GNB4: variants seen among roughly 807,000 people sequenced by gnomAD.
The protein encoded by GNB4 is G protein subunit beta 4.
Under a neutral mutation model 45.2 loss-of-function variants are expected in GNB4, and 28 were observed. The observed-to-expected ratio is 0.62, with a 90% CI of 0.46 to 0.85. The LOEUF (loss-of-function observed/expected upper bound fraction) is 0.85. Among genes scored for constraint, GNB4 ranks in the 40% least tolerant of loss-of-function variants. The pLI, the probability that GNB4 is intolerant of heterozygous loss-of-function variation, is 0.00. For missense variants in GNB4, 321 were observed against 425.4 expected, an observed-to-expected ratio of 0.75 and a Z score of 2.16; for synonymous variants, 132 against 143.7, an observed-to-expected ratio of 0.92 and a Z score of 0.58.
At chr3:179,447,284 G>A (rs1430540025) in intron 1 of GNB4, among the ~76,000 whole-genome samples, 13 of 148,588 alleles carry the variant, frequency 8.7e-5, no homozygotes, top group African/African-American at 3.2e-4. Flanking sequence ...GCAGGGCAGA[G>A]AGCAGCAGAT....
At chr3:179,502,564 AC>A in the GNB4 span, among the ~76,000 whole-genome samples, 5 of 152,124 alleles carry the variant, frequency 3.3e-5, no homozygotes, top group East Asian at 9.7e-4. Flanking sequence ...TTTGGTTGCC[AC>A]CGTGAACAAC....
At chr3:179,520,992 G>A in the GNB4 span, among the ~76,000 whole-genome samples, 1 of 152,118 alleles carries the variant, frequency 6.6e-6, no homozygotes, top group Non-Finnish European at 1.5e-5. Context: ...TGTTCCATCT[G>A]CTATTCTACT....
At chr3:179,510,481 A>G in the GNB4 span, among the ~76,000 whole-genome samples, 1 of 152,228 alleles carries the variant, frequency 6.6e-6, no homozygotes, top group African/African-American at 2.4e-5. Context: ...AGTTAAAGCC[A>G]TGCCATAGAA....
chr3:179,464,408 C>T, the GNB4 span: 1 of 1,335,822 alleles, frequency 7.5e-7, no homozygotes, highest in South Asian at 1.2e-5. Flanking sequence ...TGCACAGCTG[C>T]TCCCTCTGCC....
At chr3:179,466,600 G>A in the GNB4 span, among the ~76,000 whole-genome samples, 1 of 152,166 alleles carries the variant, frequency 6.6e-6, no homozygotes, top group African/African-American at 2.4e-5. Flanking sequence ...ATGTCTATAA[G>A]TCATGCCTGC....
chr3:179,454,602 G>A (rs1262056560), upstream of GNB4, among the ~76,000 whole-genome samples: 1 of 152,104 alleles, frequency 6.6e-6, no homozygotes, highest in Non-Finnish European at 1.5e-5. Flanking sequence ...AGTGCCATAG[G>A]TTTGTATATC....
chr3:179,499,164 T>C, the GNB4 span, among the ~76,000 whole-genome samples: 1 of 147,612 alleles, frequency 6.8e-6, no homozygotes, highest in African/African-American at 2.5e-5. Flanking sequence ...TCTTTTTTTT[T>C]TTTTTTTTTT....
At chr3:179,523,817 T>C in the GNB4 span, among the ~76,000 whole-genome samples, 1 of 151,944 alleles carries the variant, frequency 6.6e-6, no homozygotes, top group East Asian at 1.9e-4. Context: ...AAGGAGGCTT[T>C]GAACTAGGGA....
At chr3:179,424,574 A>C (rs758247176) in intron 2 of GNB4, among the ~76,000 whole-genome samples, 3 of 152,046 alleles carry the variant, frequency 2.0e-5, no homozygotes, top group Non-Finnish European at 4.4e-5. Flanking sequence ...TGTTTTTACT[A>C]ATCTTTTCTT....
At chr3:179,402,193 T>A (rs1714324288) in intron 9 of GNB4, among the ~76,000 whole-genome samples, 1 of 152,198 alleles carries the variant, frequency 6.6e-6, no homozygotes, top group Admixed American at 6.5e-5. Context: ...TGTGGCTAAA[T>A]ACTTTAAGTC....
intron 1 of GNB4, among the ~76,000 whole-genome samples, chr3:179,442,804 A>T (rs1327822047): frequency 6.6e-6 from 1 of 152,042 alleles, no homozygotes; most frequent in African/African-American, 2.4e-5. Flanking sequence ...TTAAAAAAAA[A>T]AAATTTTAGA....
At chr3:179,469,904 C>T in the GNB4 span, among the ~76,000 whole-genome samples, 1 of 152,218 alleles carries the variant, frequency 6.6e-6, no homozygotes, top group Admixed American at 6.5e-5. Context: ...CTTCCTTATA[C>T]TGAGGCCAAG....
the GNB4 span, among the ~76,000 whole-genome samples, chr3:179,461,921 G>A: frequency 2.0e-5 from 3 of 152,218 alleles, no homozygotes; most frequent in Non-Finnish European, 2.9e-5. Flanking sequence ...TAATCCATCC[G>A]ATATATTATT....
intron 1 of GNB4, among the ~76,000 whole-genome samples, chr3:179,433,704 C>CAA (rs796319109): frequency 7.5e-6 from 1 of 133,848 alleles, no homozygotes; most frequent in South Asian, 2.3e-4. Flanking sequence ...AACAAAACAC[C>CAA]AAAAAAAAAA....
At chr3:179,521,161 G>A in the GNB4 span, among the ~76,000 whole-genome samples, 2 of 152,132 alleles carry the variant, frequency 1.3e-5, no homozygotes, top group South Asian at 2.1e-4. Context: ...GAAGGCGACC[G>A]TGGTCATTTC....
At chr3:179,438,958 C>T (rs977926627) in intron 1 of GNB4, among the ~76,000 whole-genome samples, 3 of 152,178 alleles carry the variant, frequency 2.0e-5, no homozygotes, top group African/African-American at 7.2e-5. Context: ...TGTGTAAGGG[C>T]GGAACCAGGG....
the GNB4 span, among the ~76,000 whole-genome samples, chr3:179,484,838 G>A: frequency 2.1e-5 from 3 of 140,548 alleles, no homozygotes; most frequent in Non-Finnish European, 3.1e-5. Context: ...CTATATATAT[G>A]TGTGTGTGTG....
chr3:179,438,755 A>T (rs1405142489), intron 1 of GNB4, among the ~76,000 whole-genome samples: 10 of 152,188 alleles, frequency 6.6e-5, no homozygotes, highest in Non-Finnish European at 4.4e-5. Flanking sequence ...TTTCATTTGC[A>T]CCAGGACTCT....
Position 179,400,142 on chromosome 3 carries a change from GTT to G in GNB4, c.*1069_*1070del, listed in dbSNP as rs909152980. 7.9e-5 allele frequency: 12 copies of G among 152,192 alleles called. No individual in the cohort carries two copies. The highest frequency in any genetic ancestry group is 2.9e-4 in the African/African-American group (12 of 41,458). 9.4% of individuals were successfully genotyped at this position (152,192 alleles called of 1,614,324 possible). A position where few individuals can be genotyped will look rare whatever the true frequency, so the allele number is the denominator to read the frequency against. On this transcript the variant is annotated 3_prime_UTR_variant, in exon 10 of 10. Transcript: ENST00000232564. The stretch of plus-strand genomic sequence containing the variant: ...GCAAAACAGAACAAAAAGCTTAAAG[GTT>G]TAAGAAATTTAAAGGCACAGATATT...
Sources: gnomAD v4.1 joint callset for allele counts (sites outside exome capture counted in the v4.1 genomes callset) on GRCh38, gnomAD v4.1.1 for gene constraint, MANE v1.5 for transcripts, NCBI Gene and HGNC (gene_info 2026-07-23, HGNC 2026-07-21) for gene names.